Variants in SAMMSON observed in about 807,000 individuals in gnomAD.
SAMMSON encodes the protein long intergenic non-protein coding RNA 1212.
At chr3:70,425,585 T>TC (rs1701358124) in intron 2 of SAMMSON, among the ~76,000 whole-genome samples, 1 of 150,886 alleles carries the variant, frequency 6.6e-6, no homozygotes. Flanking sequence ...CTATTTTTTT[T>TC]CTTTTTTTTA....
At chr3:70,324,985 A>G (rs568225021) in intron 7 of SAMMSON, among the ~76,000 whole-genome samples, 5 of 152,058 alleles carry the variant, frequency 3.3e-5, no homozygotes, top group African/African-American at 1.2e-4. Flanking sequence ...AGCTGGAACC[A>G]GGTTAGCCTT....
intron 4 of SAMMSON, among the ~76,000 whole-genome samples, chr3:70,119,921 C>T (rs1214620580): frequency 6.6e-6 from 1 of 152,032 alleles, no homozygotes; most frequent in African/African-American, 2.4e-5. Context: ...TTTTAGATTC[C>T]TTTAATAAAT....
chr3:70,206,861 A>G (rs774403654), intron 4 of SAMMSON: 80 of 396,164 alleles, frequency 2.0e-4, no homozygotes, highest in Non-Finnish European at 3.2e-4. Context: ...CTAAGAATGC[A>G]GAAATTTTCA....
At chr3:70,050,152 C>CGTG (rs2067141019) in intron 3 of SAMMSON, among the ~76,000 whole-genome samples, 1 of 152,096 alleles carries the variant, frequency 6.6e-6, no homozygotes, top group Admixed American at 6.6e-5. Flanking sequence ...ACTGCCCCAC[C>CGTG]GTGGCATTGT....
chr3:70,280,694 A>G (rs1259754799), intron 6 of SAMMSON, among the ~76,000 whole-genome samples: 1 of 152,156 alleles, frequency 6.6e-6, no homozygotes, highest in Non-Finnish European at 1.5e-5. Context: ...TCCCCAAGGC[A>G]GGTCTCCAAA....
chr3:70,016,011 C>T lies in SAMMSON; in HGVS notation n.417+2339C>T, dbSNP rs540798347. 2.0e-4 allele frequency among the ~76,000 whole-genome samples: 30 copies of T among 152,238 alleles called. No individual in the cohort carries two copies. In the East Asian group the frequency reaches 4.4e-3, roughly 23 times the overall value. On this transcript the variant is annotated intron_variant and non_coding_transcript_variant, in intron 3 of 9. Transcript: ENST00000642114. ...CAAGTCTTTGCTGTTGTGAATAGTGCCGCAATAAACATACATGTGCTTGTG... is the reference window on the plus strand; with the variant it reads ...CAAGTCTTTGCTGTTGTGAATAGTGTCGCAATAAACATACATGTGCTTGTG...
At chr3:70,411,959 T>C (rs537343753) in intron 2 of SAMMSON, among the ~76,000 whole-genome samples, 128 of 152,312 alleles carry the variant, frequency 8.4e-4, no homozygotes, top group Non-Finnish European at 1.6e-3. Flanking sequence ...GAAAAATGTA[T>C]ATACACATGA....
chr3:70,257,151 C>G (rs1237310540), intron 6 of SAMMSON, among the ~76,000 whole-genome samples: 2 of 152,174 alleles, frequency 1.3e-5, no homozygotes, highest in African/African-American at 4.8e-5. Flanking sequence ...TAATACATGT[C>G]ATGATTATCA....
rs564950231 is a variant in SAMMSON at position 70,374,748 on chromosome 3, G to A, written n.914-14826G>A. 1.3e-4 allele frequency among the ~76,000 whole-genome samples: 20 copies of A among 152,266 alleles called. No homozygotes were observed. In the South Asian group the frequency reaches 2.5e-3, roughly 19 times the overall value. ...GATGGTTTGTCACAGCCTGGGAATG[G>A]TGGAAGTCTAGGCTTCACAGTTGGC... is the stretch of plus-strand genomic sequence containing the variant. On this transcript the variant is annotated intron_variant and non_coding_transcript_variant, in intron 9 of 9. Coordinates refer to ENST00000642114, the Ensembl canonical transcript of SAMMSON.
intron 4 of SAMMSON, among the ~76,000 whole-genome samples, chr3:70,132,264 C>A (rs1384833570): frequency 6.6e-6 from 1 of 152,146 alleles, no homozygotes; most frequent in African/African-American, 2.4e-5. Flanking sequence ...GACCGTTGAC[C>A]ATGGGATGGT....
intron 4 of SAMMSON, among the ~76,000 whole-genome samples, chr3:70,213,000 G>A (rs1028535197): frequency 2.0e-5 from 3 of 151,958 alleles, no homozygotes; most frequent in Admixed American, 1.3e-4. Flanking sequence ...GCAGAGACTC[G>A]GTTTCACCAT....
chr3:70,297,825 C>T (rs2106698991), intron 7 of SAMMSON, among the ~76,000 whole-genome samples: 1 of 152,164 alleles, frequency 6.6e-6, no homozygotes, highest in African/African-American at 2.4e-5. Context: ...AACTCACAGG[C>T]TTCTGACCAC....
chr3:70,319,572 A>T (rs1702521633), intron 7 of SAMMSON, among the ~76,000 whole-genome samples: 1 of 152,092 alleles, frequency 6.6e-6, no homozygotes, highest in East Asian at 1.9e-4. Flanking sequence ...AGCCTAGAAC[A>T]AAGAGTGGCT....
chr3:70,377,375 T>C (rs1439080896), intron 9 of SAMMSON, among the ~76,000 whole-genome samples: 1 of 152,138 alleles, frequency 6.6e-6, no homozygotes. Flanking sequence ...ATGAAGATGG[T>C]ACTTTAATTA....
chr3:70,067,298 G>T (rs2107593622), intron 3 of SAMMSON, among the ~76,000 whole-genome samples: 1 of 152,054 alleles, frequency 6.6e-6, no homozygotes, highest in Middle Eastern at 3.4e-3. Flanking sequence ...TGTTTACTAT[G>T]GGACATTTAA....
chr3:70,162,890 T>A (rs1489445576), intron 4 of SAMMSON, among the ~76,000 whole-genome samples: 2 of 151,986 alleles, frequency 1.3e-5, no homozygotes, highest in Admixed American at 6.6e-5. Flanking sequence ...TATAAAATGT[T>A]CTTCCTCTTT....
chr3:70,348,205 A>G (rs1400482530), intron 7 of SAMMSON, among the ~76,000 whole-genome samples: 1 of 152,228 alleles, frequency 6.6e-6, no homozygotes, highest in African/African-American at 2.4e-5. Flanking sequence ...TTGATAGGAT[A>G]ACACTTGCAG....
At chr3:70,303,531 T>C (rs550258365) in intron 7 of SAMMSON, among the ~76,000 whole-genome samples, 12 of 152,322 alleles carry the variant, frequency 7.9e-5, no homozygotes, top group African/African-American at 2.9e-4. Flanking sequence ...CCCTTCTAGA[T>C]TGTGAGCTAC....
At chr3:70,317,294 G>T (rs1468861767) in intron 7 of SAMMSON, among the ~76,000 whole-genome samples, 3 of 151,862 alleles carry the variant, frequency 2.0e-5, no homozygotes, top group East Asian at 3.9e-4. Flanking sequence ...CAAATTGAAG[G>T]TTTGTGTCAA....
Sources: gnomAD v4.1 joint callset for allele counts (sites outside exome capture counted in the v4.1 genomes callset) on GRCh38, gnomAD v4.1.1 for gene constraint, MANE v1.5 for transcripts, NCBI Gene and HGNC (gene_info 2026-07-23, HGNC 2026-07-21) for gene names.